ABI3BP: variants seen among roughly 807,000 people sequenced by gnomAD.
The protein encoded by ABI3BP is target of Nesh-SH3.
Under a neutral mutation model 268.6 loss-of-function variants are expected in ABI3BP, and 216 were observed. That is an observed-to-expected ratio of 0.80 (90% CI 0.72 to 0.90). ABI3BP has a LOEUF of 0.90. Ranked by LOEUF, ABI3BP falls within the 40% of genes least tolerant of loss-of-function variation. The pLI, the probability that ABI3BP is intolerant of heterozygous loss-of-function variation, is 0.00. For synonymous variants in ABI3BP, 730 were observed against 730.0 expected, an observed-to-expected ratio of 1.00 and a Z score of 0.00; for missense variants, 2,090 against 2,182.4, an observed-to-expected ratio of 0.96 and a Z score of 0.84.
intron 14 of ABI3BP, among the ~76,000 whole-genome samples, chr3:100,859,514 T>A (rs1240720790): frequency 1.3e-5 from 2 of 152,162 alleles, no homozygotes; most frequent in African/African-American, 4.8e-5. Flanking sequence ...GCTGTGTGAG[T>A]AATTGGAAAA....
chr3:100,871,532 T>C (rs1440340279), intron 9 of ABI3BP, among the ~76,000 whole-genome samples: 2 of 152,178 alleles, frequency 1.3e-5, no homozygotes, highest in African/African-American at 4.8e-5. Context: ...GGGCAGGTCT[T>C]TCCCATGCTA....
intron 1 of ABI3BP, among the ~76,000 whole-genome samples, chr3:100,929,439 T>C (rs1235061862): frequency 2.0e-5 from 3 of 152,050 alleles, no homozygotes; most frequent in African/African-American, 7.2e-5. Context: ...ATCAACATCA[T>C]ATAACTATTC....
chr3:100,913,523 A>G (rs1342068599), intron 2 of ABI3BP, among the ~76,000 whole-genome samples: 1 of 152,148 alleles, frequency 6.6e-6, no homozygotes, highest in South Asian at 2.1e-4. Context: ...AAAATTGGGG[A>G]AATCCTGCTG....
chr3:100,813,824 C>A, intron 44 of ABI3BP, 89 bp from the exon 45 acceptor site: 1 of 1,110,358 alleles, frequency 9.0e-7, no homozygotes, highest in Non-Finnish European at 1.3e-6. Flanking sequence ...ATAAAATACA[C>A]AGACCCTGAA....
rs1239653122 is a variant in ABI3BP, at chr3:100,749,409, T to TTGAAGCATGTTGAAAGGTAAGTACA, written c.*1061_*1085dup. The stretch of plus-strand genomic sequence containing the variant: ...AATACAAAATGTAGCGTTGATAAGA[T>TTGAAGCATGTTGAAAGGTAAGTACA]TGAAGCATGTTGAAAGGTAAGTACA... On this transcript the variant is annotated 3_prime_UTR_variant, in exon 68 of 68. Coordinates refer to ENST00000471714, the MANE Select transcript of ABI3BP (RefSeq NM_001375547.2). 1 of 379,232 alleles carries TTGAAGCATGTTGAAAGGTAAGTACA rather than the reference T, an allele frequency of 2.6e-6. No individual in the cohort carries two copies. The highest frequency in any genetic ancestry group is 4.7e-6 in the Non-Finnish European group (1 of 213,828). The allele number at this position is 379,232 out of a possible 1,614,324, so 23.5% of individuals were successfully genotyped here.
Position 100,808,171 on chromosome 3 carries a change from T to C in ABI3BP, c.3672A>G (p.Gln1224=). ...AAAATATATATTTACCTGGTTGTGT[T>C]TGTGGGATTCTTGGGCGTGGTGATG... ...PKTSPRPRIP[Q]TQPVPKVPQR... Residue 1224 remains glutamine, a synonymous_variant, in exon 50 of 68, where the codon CAA becomes CAG. Transcript: ENST00000471714. 1.4e-5 allele frequency: 23 copies of C among 1,611,358 alleles called. No individual in the cohort carries two copies. Among genetic ancestry groups the C allele is most frequent in the South Asian group, 2.2e-5 (2 of 90,888 alleles).
At chr3:100,972,273 C>T (rs890584162) in intron 1 of ABI3BP, among the ~76,000 whole-genome samples, 2 of 151,958 alleles carry the variant, frequency 1.3e-5, no homozygotes, top group African/African-American at 2.4e-5. Flanking sequence ...GTGAAAAACC[C>T]CTCTGTACTG....
At chr3:100,758,401 A>G (rs114585116) in intron 63 of ABI3BP, among the ~76,000 whole-genome samples, 1,685 of 152,314 alleles carry the variant, frequency 0.011, 28 homozygotes, top group African/African-American at 0.039. Flanking sequence ...AGTAATAAGT[A>G]TTCACTAGTA....
intron 5 of ABI3BP, among the ~76,000 whole-genome samples, chr3:100,885,852 G>C (rs1409544060): frequency 1.3e-5 from 2 of 151,888 alleles, no homozygotes; most frequent in African/African-American, 4.8e-5. Context: ...TTGTTTTTCT[G>C]GTTCTGTTGG....
At chr3:100,864,686 A>C in intron 11 of ABI3BP, 147 bp downstream of exon 11, 252 of 557,896 alleles carry the variant, frequency 4.5e-4, no homozygotes, top group East Asian at 1.6e-3. Flanking sequence ...AGAAAGAGGA[A>C]GGTTAACCAC....
intron 1 of ABI3BP, among the ~76,000 whole-genome samples, chr3:100,972,627 G>A (rs1416701790): frequency 2.0e-5 from 3 of 152,180 alleles, no homozygotes; most frequent in South Asian, 2.1e-4. Flanking sequence ...AAGTATTTAA[G>A]TACTGAGATT....
intron 1 of ABI3BP, among the ~76,000 whole-genome samples, chr3:100,950,986 T>C (rs2074725445): frequency 6.6e-6 from 1 of 151,918 alleles, no homozygotes; most frequent in African/African-American, 2.4e-5. Flanking sequence ...AAAAGAACAA[T>C]GTGGACTAAT....
At chr3:100,812,420 G>A in intron 46 of ABI3BP, 47 bp downstream of exon 46, 1 of 1,219,642 alleles carries the variant, frequency 8.2e-7, no homozygotes, top group South Asian at 2.9e-5. Context: ...TTTGCAATGA[G>A]ATGGAAAAGC....
At chr3:100,751,210 AT>A (rs897152738) in intron 67 of ABI3BP, among the ~76,000 whole-genome samples, 1 of 152,036 alleles carries the variant, frequency 6.6e-6, no homozygotes, top group Non-Finnish European at 1.5e-5. Flanking sequence ...TAGTTAAAAA[AT>A]TTTTTTTCTT....
At chr3:100,752,494 C>T in intron 66 of ABI3BP, 3 of 263,118 alleles carry the variant, frequency 1.1e-5, no homozygotes, top group Non-Finnish European at 7.3e-6. Flanking sequence ...TTTTTTTATC[C>T]CTGGATGGTT....
intron 57 of ABI3BP, among the ~76,000 whole-genome samples, chr3:100,783,764 G>A (rs889726355): frequency 6.6e-6 from 1 of 152,172 alleles, no homozygotes; most frequent in African/African-American, 2.4e-5. Flanking sequence ...AGTACACATT[G>A]TACATAGCAC....
chr3:100,965,265 C>T (rs2080844847), intron 1 of ABI3BP, among the ~76,000 whole-genome samples: 1 of 152,116 alleles, frequency 6.6e-6, no homozygotes, highest in South Asian at 2.1e-4. Flanking sequence ...TTTCAAGTCC[C>T]ATTTGCCTCA....
intron 2 of ABI3BP, among the ~76,000 whole-genome samples, chr3:100,908,725 G>T (rs1352660035): frequency 1.3e-5 from 2 of 152,142 alleles, no homozygotes; most frequent in Non-Finnish European, 2.9e-5. Flanking sequence ...TCTTCAAGGA[G>T]AACTACAAAC....
At chr3:100,906,393 A>C (rs2053459220) in intron 2 of ABI3BP, among the ~76,000 whole-genome samples, 1 of 152,220 alleles carries the variant, frequency 6.6e-6, no homozygotes, top group African/African-American at 2.4e-5. Flanking sequence ...AAATATTTCC[A>C]ACATACACAT....
Sources: allele counts gnomAD v4.1 joint callset (sites outside exome capture counted in the v4.1 genomes callset), GRCh38; gene constraint gnomAD v4.1.1; transcripts MANE v1.5; gene names NCBI Gene and HGNC (gene_info 2026-07-23, HGNC 2026-07-21).